Variants in PITPNC1 observed in about 807,000 individuals in gnomAD.
PITPNC1 encodes the protein cytoplasmic phosphatidylinositol transfer protein 1.
A neutral mutation model predicts 44.7 loss-of-function variants in PITPNC1; 18 were observed. That is an observed-to-expected ratio of 0.40 (90% CI 0.28 to 0.60). PITPNC1 has a LOEUF of 0.60. PITPNC1 is among the 20% of genes least tolerant of loss of function. The pLI, the probability that PITPNC1 is intolerant of heterozygous loss-of-function variation, is 0.39. For missense variants in PITPNC1, 290 were observed against 418.4 expected (o/e 0.69, Z 2.68); for synonymous variants, 141 against 149.6 (o/e 0.94, Z 0.42).
rs958959254 is a variant in PITPNC1 at position 67,649,963 on chromosome 17, A to C, written c.462+17725A>C. Among the ~76,000 whole-genome samples, 18 of 152,192 alleles carry C rather than the reference A, an allele frequency of 1.2e-4. No homozygotes were observed. The East Asian group carries it at 3.1e-3, about 26-fold the overall frequency. On this transcript the variant is annotated intron_variant, in intron 6 of 8. Coordinates refer to ENST00000581322, the MANE Select transcript of PITPNC1 (RefSeq NM_012417.4). ...GGGTGTGCCATCCTCCCAGCAGGTC[A>C]GTGTGTTTAAGCGTTTATGGAGCTC...
intron 1 of PITPNC1, among the ~76,000 whole-genome samples, chr17:67,425,528 CT>C (rs1310639560): frequency 4.5e-4 from 42 of 93,578 alleles, no homozygotes; most frequent in Admixed American, 7.0e-4. Flanking sequence ...TTCTTTCTTT[CT>C]TTTTTTTTTA....
At chr17:67,431,284 C>A (rs146599692) in intron 1 of PITPNC1, among the ~76,000 whole-genome samples, 1,868 of 152,140 alleles carry the variant, frequency 0.012, 45 homozygotes, top group African/African-American at 0.043. Context: ...GTCTCAAACT[C>A]CTGACCTTAA....
chr17:67,587,914 T>G (rs1034175816), intron 5 of PITPNC1, among the ~76,000 whole-genome samples: 8 of 152,218 alleles, frequency 5.3e-5, no homozygotes, highest in Non-Finnish European at 1.2e-4. Flanking sequence ...CCCTGGAAGT[T>G]ACCAGCTGAC....
At chr17:67,414,762 A>G (rs1480695571) in intron 1 of PITPNC1, among the ~76,000 whole-genome samples, 2 of 152,200 alleles carry the variant, frequency 1.3e-5, no homozygotes, top group East Asian at 3.9e-4. Context: ...AGTCAATGCC[A>G]TGTCAATAGA....
chr17:67,532,959 T>A lies in PITPNC1; in HGVS notation c.197+9T>A, dbSNP rs767832550. On this transcript the variant is annotated intron_variant, in intron 2 of 8. Transcript: ENST00000581322. ...CGGGTGTATCTCAACAGGTGAGTCA[T>A]GGCAGCCTGCGTTCTGCACAGAAGC... 7 of 1,603,980 alleles carry A rather than the reference T, an allele frequency of 4.4e-6. No individual in the cohort carries two copies. In the Admixed American group the frequency reaches 1.2e-4, roughly 27 times the overall value.
intron 1 of PITPNC1, among the ~76,000 whole-genome samples, chr17:67,473,386 T>C (rs2039577269): frequency 6.6e-6 from 1 of 151,764 alleles, no homozygotes; most frequent in African/African-American, 2.4e-5. Flanking sequence ...TGGAGTTCAG[T>C]GGCACAATCT....
At chr17:67,519,140 T>A (rs887548934) in intron 1 of PITPNC1, among the ~76,000 whole-genome samples, 20 of 151,590 alleles carry the variant, frequency 1.3e-4, no homozygotes, top group Admixed American at 1.3e-4. Context: ...AGACTCAGAT[T>A]CTTGTATACT....
intron 5 of PITPNC1, among the ~76,000 whole-genome samples, chr17:67,592,655 A>T (rs1440305630): frequency 6.6e-6 from 1 of 152,266 alleles, no homozygotes; most frequent in Admixed American, 6.5e-5. Context: ...AATTTGATAC[A>T]TAATAGATAA....
At chr17:67,430,916 T>A (rs1242967868) in intron 1 of PITPNC1, among the ~76,000 whole-genome samples, 2 of 152,018 alleles carry the variant, frequency 1.3e-5, no homozygotes, top group Non-Finnish European at 2.9e-5. Context: ...ACCACTGCAC[T>A]CCAGCCTGTG....
chr17:67,594,989 G>A (rs1158973949), intron 5 of PITPNC1, among the ~76,000 whole-genome samples: 2 of 152,154 alleles, frequency 1.3e-5, no homozygotes, highest in Non-Finnish European at 2.9e-5. Flanking sequence ...CTTTACAAAT[G>A]AAACGCATAT....
intron 1 of PITPNC1, among the ~76,000 whole-genome samples, chr17:67,462,444 C>T (rs1328374455): frequency 6.6e-6 from 1 of 151,844 alleles, no homozygotes; most frequent in East Asian, 1.9e-4. Flanking sequence ...GTTGGCCAGG[C>T]TGGTTTCAAA....
intron 1 of PITPNC1, among the ~76,000 whole-genome samples, chr17:67,465,539 T>A (rs2039413334): frequency 6.6e-6 from 1 of 152,174 alleles, no homozygotes; most frequent in Non-Finnish European, 1.5e-5. Context: ...GCCCAGGAAC[T>A]AGCAAAATCA....
chr17:67,576,650 A>G (rs558332697), intron 4 of PITPNC1, among the ~76,000 whole-genome samples: 152 of 152,286 alleles, frequency 1.0e-3, no homozygotes, highest in African/African-American at 3.6e-3. Context: ...ACCAACATCC[A>G]TCAAAATTCT....
In PITPNC1 at chr17:67,379,325, T is replaced by A. The variant is rs1329940831; in HGVS notation, c.48+1123T>A. 3 of 985,518 alleles carry A rather than the reference T, an allele frequency of 3.0e-6. No homozygotes were observed. In the East Asian group the frequency reaches 3.4e-4, roughly 112 times the overall value. The allele number at this position is 985,518 out of a possible 1,614,324, so 61.0% of individuals were successfully genotyped here. A position where few individuals can be genotyped will look rare whatever the true frequency, so the allele number is the denominator to read the frequency against. ...CGATGTGCTTTGGGAGAGAAAAAGA[T>A]GCATAACTGAGAACATGGCTGAGCT... On this transcript the variant is annotated intron_variant, in intron 1 of 8. Transcript: ENST00000581322.
chr17:67,478,536 T>A (rs527373269), intron 1 of PITPNC1, among the ~76,000 whole-genome samples: 1 of 152,244 alleles, frequency 6.6e-6, no homozygotes, highest in South Asian at 2.1e-4. Context: ...CTGGTTCCCC[T>A]TTTATTTCTC....
intron 5 of PITPNC1, chr17:67,612,176 G>A (rs72848184): frequency 0.075 from 11,366 of 152,368 alleles, 517 homozygotes; most frequent in South Asian, 0.12. Context: ...AGGCAGATAG[G>A]GTGGGGAGAG....
At chr17:67,641,810 T>A (rs1389141850) in intron 6 of PITPNC1, among the ~76,000 whole-genome samples, 1 of 148,266 alleles carries the variant, frequency 6.7e-6, no homozygotes, top group African/African-American at 2.5e-5. Flanking sequence ...ATAATAATAA[T>A]AATAATAATA....
chr17:67,479,015 C>A (rs1268470153), intron 1 of PITPNC1, among the ~76,000 whole-genome samples: 1 of 152,020 alleles, frequency 6.6e-6, no homozygotes, highest in Non-Finnish European at 1.5e-5. Context: ...ACCTCGGTGT[C>A]AAGCAATCAT....
At chr17:67,379,477 G>GGA (rs2037925336) in intron 1 of PITPNC1, 1 of 561,958 alleles carries the variant, frequency 1.8e-6, no homozygotes, top group African/African-American at 2.0e-5. Flanking sequence ...TGCCAAGGAG[G>GGA]GAGAGATCAG....
Sources: allele counts gnomAD v4.1 joint callset (sites outside exome capture counted in the v4.1 genomes callset), GRCh38; gene constraint gnomAD v4.1.1; transcripts MANE v1.5; gene names NCBI Gene and HGNC (gene_info 2026-07-23, HGNC 2026-07-21).